FBF1: variants seen among roughly 807,000 people sequenced by gnomAD.
FBF1 encodes the protein Fas binding factor 1.
FBF1 carries 119 observed loss-of-function variants against 147.2 expected under a neutral mutation model. That is an observed-to-expected ratio of 0.81 (90% CI 0.70 to 0.94). The LOEUF (loss-of-function observed/expected upper bound fraction) is 0.94, where lower values mean the gene tolerates loss of function less well. Among genes scored for constraint, FBF1 ranks in the 40% least tolerant of loss-of-function variants. FBF1 has a pLI of 0.00. For synonymous variants in FBF1, 601 were observed against 609.0 expected (o/e 0.99, Z 0.19); for missense variants, 1,449 against 1,500.8 (o/e 0.97, Z 0.57).
rs935054003 is a variant in FBF1 at position 75,916,398 on chromosome 17, T to C, written c.2506-1259A>G. 7.2e-5 allele frequency among the ~76,000 whole-genome samples: 11 copies of C among 151,962 alleles called. 1 individual carries two copies. The highest frequency in any genetic ancestry group is 2.1e-4 in the South Asian group (1 of 4,820). ...ATGTTGGGAGGCCTAAGTGGGCAGA[T>C]TGCTTGAGCCCAGGAGTTCAAGACC... On this transcript the variant is annotated intron_variant, in intron 23 of 29. Coordinates refer to ENST00000636174, the MANE Select transcript of FBF1 (RefSeq NM_001319193.2).
chr17:75,912,415 C>G (rs1334073460), intron 28 of FBF1, 108 bp from the exon 29 acceptor site: 1 of 762,012 alleles, frequency 1.3e-6, no homozygotes, highest in Non-Finnish European at 2.1e-6. Context: ...TGGACCCTGG[C>G]CATATACTCA....
chr17:75,922,391 T>A lies in FBF1; in HGVS notation c.1425-345A>T, dbSNP rs530065603. On this transcript the variant is annotated intron_variant, in intron 14 of 29. Coordinates refer to ENST00000636174, the MANE Select transcript of FBF1 (RefSeq NM_001319193.2). This position sits in a 1 kb window ranked among gnomAD's most constrained non-coding sequence, Gnocchi z 5.0. ...GCTCAGCTCTAGATTAGGATTCTGC[T>A]CAGTCTACCAAATCTGGCTGGCTCC... Among the ~76,000 whole-genome samples the A allele has an allele frequency of 6.6e-6, 1 of 152,330 alleles. No individual in the cohort carries two copies. Among genetic ancestry groups the A allele is most frequent in the South Asian group, 2.1e-4 (1 of 4,832 alleles).
At position 75,918,151 on chromosome 17, in the gene FBF1, A is replaced by G. The variant is rs2065500896; in HGVS notation, c.2246+11T>C. On this transcript the variant is annotated intron_variant, in intron 21 of 29. Transcript: ENST00000636174. This position sits in a 1 kb window ranked among gnomAD's most constrained non-coding sequence, Gnocchi z 5.8. ...AACGTCAGGCGGGCATGGTTGGGGCAGCGCACATACCGCGTGTGGGAGGTG... is the reference window on the plus strand; with the variant it reads ...AACGTCAGGCGGGCATGGTTGGGGCGGCGCACATACCGCGTGTGGGAGGTG... 6.2e-7 allele frequency: 1 copy of G among 1,613,034 alleles called. No homozygotes were observed. The highest frequency in any genetic ancestry group is 8.5e-7 in the Non-Finnish European group (1 of 1,179,610).
At chr17:75,934,855 G>C (rs1424581971) in intron 4 of FBF1, among the ~76,000 whole-genome samples, 1 of 149,852 alleles carries the variant, frequency 6.7e-6, no homozygotes, top group Non-Finnish European at 1.5e-5. Context: ...CTCCAGCCTG[G>C]GCAACAAGAG....
Position 75,913,835 on chromosome 17 carries a change from C to A in FBF1, c.3130-16G>T. ...TCAGATGCTCCTGTCCCCGTTCCCC[C>A]AGAAAGAAGGACTCAGCTGTGAGGT... On this transcript the variant is annotated splice_polypyrimidine_tract_variant and intron_variant, in intron 27 of 29. Transcript: ENST00000636174. 1.9e-6 allele frequency: 3 copies of A among 1,590,100 alleles called. No homozygotes were observed. The highest frequency in any genetic ancestry group is 2.6e-6 in the Non-Finnish European group (3 of 1,172,028).
intron 23 of FBF1, among the ~76,000 whole-genome samples, chr17:75,917,238 A>G (rs2065494082): frequency 1.3e-5 from 2 of 152,232 alleles, no homozygotes; most frequent in African/African-American, 4.8e-5. Flanking sequence ...AGCTGGGATT[A>G]TAGGCACAGG....
At chr17:75,936,338 CA>C (rs1237892080) in intron 3 of FBF1, among the ~76,000 whole-genome samples, 3 of 145,886 alleles carry the variant, frequency 2.1e-5, no homozygotes, top group East Asian at 4.0e-4. Flanking sequence ...AGACCCCCCC[CA>C]AAATTAGCTG....
Position 75,926,013 on chromosome 17 carries a change from C to G in FBF1, c.868+17G>C, listed in dbSNP as rs2065558848. 13 of 1,591,954 alleles carry G rather than the reference C, an allele frequency of 8.2e-6. No homozygotes were observed. The highest frequency in any genetic ancestry group is 1.1e-5 in the Non-Finnish European group (13 of 1,168,138). On this transcript the variant is annotated intron_variant, in intron 12 of 29. Transcript: ENST00000636174. ...GCCTCCCTCCCGTCCTGTTGCGGCC[C>G]CCGCAAGCCTCCTTACCCTGTGGCC...
Position 75,922,809 on chromosome 17 carries a change from C to T in FBF1, c.1424+377G>A, listed in dbSNP as rs2065536080. Among the ~76,000 whole-genome samples the T allele has an allele frequency of 6.6e-6, 1 of 152,230 alleles. No individual in the cohort carries two copies. The highest frequency in any genetic ancestry group is 1.5e-5 in the Non-Finnish European group (1 of 68,044). ...CACGCCATACTCGCTTCAGTGGAGT[C>T]GGCAGAAGCACCGGCTGTTTGGATG... On this transcript the variant is annotated intron_variant, in intron 14 of 29. Transcript: ENST00000636174. This position sits in a 1 kb window ranked among gnomAD's most constrained non-coding sequence, Gnocchi z 5.0.
chr17:75,923,584 G>A lies in FBF1; in HGVS notation c.1026C>T (p.Ser342=). 2 of 1,610,606 alleles carry A rather than the reference G, an allele frequency of 1.2e-6. No individual in the cohort carries two copies. The highest frequency in any genetic ancestry group is 1.7e-6 in the Non-Finnish European group (2 of 1,178,802). Residue 342 remains serine, a synonymous_variant, in exon 14 of 30, where the codon AGC becomes AGT. Coordinates refer to ENST00000636174, the MANE Select transcript of FBF1 (RefSeq NM_001319193.2). This position sits in a 1 kb window ranked among gnomAD's most constrained non-coding sequence, Gnocchi z 4.1. The part of the protein sequence containing the change: ...DPKGEPGSKQ[S]PPMASSPIQP... Reference sequence around the variant, plus strand: ...GGATGGGGCTGGAAGCCATTGGAGGGCTCTGTTTGGAGCCTGGTTCTCCCT... The same window carrying A: ...GGATGGGGCTGGAAGCCATTGGAGGACTCTGTTTGGAGCCTGGTTCTCCCT...
intron 23 of FBF1, 143 bp downstream of exon 23, chr17:75,917,589 G>A: frequency 1.3e-6 from 1 of 748,740 alleles, no homozygotes; most frequent in Non-Finnish European, 2.1e-6. Context: ...GCCAGGGCAG[G>A]GAGATGTAGA....
intron 28 of FBF1, 38 bp downstream of exon 28, chr17:75,913,664 G>C (rs1170400637): frequency 2.0e-6 from 3 of 1,528,558 alleles, no homozygotes; most frequent in Middle Eastern, 3.5e-4. Flanking sequence ...CCCCTGCCCA[G>C]TCCTGAGCCG....
In FBF1 at chr17:75,923,620, G is replaced by C. The variant is rs759779543; in HGVS notation, c.990C>G (p.Gly330=). Reference sequence around the variant, plus strand: ...AGCCTGGTTCTCCCTTGGGGTCTGCGCCACTGTCTGCGAAGAACCTACTTC... The same window carrying C: ...AGCCTGGTTCTCCCTTGGGGTCTGCCCCACTGTCTGCGAAGAACCTACTTC... ...QSVSRFFADS[G]ADPKGEPGSK... Residue 330 remains glycine, a synonymous_variant, in exon 14 of 30, where the codon GGC becomes GGG. Coordinates refer to ENST00000636174, the MANE Select transcript of FBF1 (RefSeq NM_001319193.2). This position sits in a 1 kb window ranked among gnomAD's most constrained non-coding sequence, Gnocchi z 4.1. 6.2e-7 allele frequency: 1 copy of C among 1,606,416 alleles called. No homozygotes were observed. Among genetic ancestry groups the C allele is most frequent in the Non-Finnish European group, 8.5e-7 (1 of 1,176,762 alleles).
chr17:75,919,812 TTC>T lies in FBF1; in HGVS notation c.1992_1993del (p.Asn665ArgfsTer20), dbSNP rs775603846. On this transcript the variant is annotated frameshift_variant, in exon 20 of 30. Coordinates refer to ENST00000636174, the MANE Select transcript of FBF1 (RefSeq NM_001319193.2). LOFTEE classifies it high-confidence loss of function. The surrounding 1 kb of genome is among the most constrained non-coding windows in gnomAD (Gnocchi z 5.0). The stretch of plus-strand genomic sequence containing the variant: ...CAGATACCGAGCTGACAGCTCTTCG[TTC>T]TCTCTCCGGAGCCGCTCCTCCCGTT... 1.2e-6 allele frequency: 2 copies of T among 1,613,852 alleles called. No homozygotes were observed. The highest frequency in any genetic ancestry group is 2.2e-5 in the South Asian group (2 of 91,090).
chr17:75,912,694 G>GT (rs1352634202), intron 28 of FBF1, among the ~76,000 whole-genome samples: 1 of 152,162 alleles, frequency 6.6e-6, no homozygotes, highest in African/African-American at 2.4e-5. Context: ...ACATTACTGA[G>GT]TAAAAAAAGT....
Position 75,920,425 on chromosome 17 carries a change from A to AG in FBF1, c.1678dup (p.Leu560ProfsTer33), listed in dbSNP as rs1446688788. On this transcript the variant is annotated frameshift_variant, in exon 18 of 30. Coordinates refer to ENST00000636174, the MANE Select transcript of FBF1 (RefSeq NM_001319193.2). LOFTEE classifies it high-confidence loss of function. ...GCTCCGGGCCAGGGACTCTGGGAGC[A>AG]GGGGCTGGAGGAGAGGAAGAGAGGT... 1 of 1,605,344 alleles carries AG rather than the reference A, an allele frequency of 6.2e-7. No individual in the cohort carries two copies. Among genetic ancestry groups the AG allele is most frequent in the South Asian group, 1.1e-5 (1 of 89,320 alleles).
rs745786382 is a variant in FBF1 at position 75,921,577 on chromosome 17, G to T, written c.1527-17C>A. 17 of 1,605,796 alleles carry T rather than the reference G, an allele frequency of 1.1e-5. No homozygotes were observed. Among genetic ancestry groups the T allele is most frequent in the Non-Finnish European group, 1.4e-5 (17 of 1,175,056 alleles). ...ACAGGGGACCTGAGGACACAGGGAT[G>T]GGGCATGGTGAGCAGCCTCTGTGTG... On this transcript the variant is annotated splice_polypyrimidine_tract_variant and intron_variant, in intron 15 of 29. Transcript: ENST00000636174.
chr17:75,913,632 G>A (rs1318755244), intron 28 of FBF1, 70 bp downstream of exon 28: 10 of 1,276,688 alleles, frequency 7.8e-6, no homozygotes, highest in African/African-American at 1.5e-5. Context: ...GCTGGAGGAG[G>A]GCCTGCCCAC....
In FBF1 at chr17:75,919,713, G is replaced by A. The variant is rs535785058; in HGVS notation, c.2093C>T (p.Ala698Val). The A allele has an allele frequency of 2.7e-5, 43 of 1,612,414 alleles. 2 individuals are homozygous for A. In the East Asian group the frequency reaches 3.3e-4, roughly 13 times the overall value. The change falls in exon 20 of 30, where the codon GCG (alanine) becomes GTG (valine). Residue 698 changes from alanine (A) to valine (V), a missense_variant. Ala to Val is a moderately conservative substitution (Grantham distance 64). Transcript: ENST00000636174. The surrounding 1 kb of genome is among the most constrained non-coding windows in gnomAD (Gnocchi z 5.0). ...CTCCATTTCCTGGTCCTTCTCCTGC[G>A]CTATGGCCGCCAAGCGCCGCTGGTG... is the stretch of plus-strand genomic sequence containing the variant. ...AQHQRRLAAIAQEKDQEMERL... is the reference protein window; with the variant it reads ...AQHQRRLAAIVQEKDQEMERL...
Sources: allele counts gnomAD v4.1 joint callset (sites outside exome capture counted in the v4.1 genomes callset), GRCh38; gene constraint gnomAD v4.1.1; non-coding constraint Gnocchi (gnomAD v3.1); transcripts MANE v1.5; gene names NCBI Gene and HGNC (gene_info 2026-07-23, HGNC 2026-07-21).